VDR: variants seen among roughly 807,000 people sequenced by gnomAD.
The protein encoded by VDR is vitamin D3 receptor.
In VDR, 19 loss-of-function variants were observed where a neutral mutation model predicts 39.7. That is an observed-to-expected ratio of 0.48 (90% CI 0.33 to 0.70). The LOEUF (loss-of-function observed/expected upper bound fraction) is 0.70. Ranked by LOEUF, VDR falls within the 30% of genes least tolerant of loss-of-function variation. The pLI is 0.02. For missense variants in VDR, 442 were observed against 570.5 expected (o/e 0.77, Z 2.29); for synonymous variants, 242 against 215.8 (o/e 1.12, Z -1.07).
chr12:47,873,308 C>T (rs1044612592), intron 3 of VDR, among the ~76,000 whole-genome samples: 1 of 151,440 alleles, frequency 6.6e-6, no homozygotes, highest in Non-Finnish European at 1.5e-5. Flanking sequence ...GTTTCTGAGG[C>T]CTCCCCATCC....
chr12:47,889,614 A>T (rs1946325246), intron 1 of VDR, among the ~76,000 whole-genome samples: 1 of 152,176 alleles, frequency 6.6e-6, no homozygotes, highest in Non-Finnish European at 1.5e-5. Context: ...GGACACTAGC[A>T]TGGGGGTACT....
At chr12:47,847,132 G>A (rs747662641) in intron 7 of VDR, among the ~76,000 whole-genome samples, 9 of 152,100 alleles carry the variant, frequency 5.9e-5, no homozygotes, top group Non-Finnish European at 1.2e-4. Flanking sequence ...GAATATGGTG[G>A]TCTGCAAAAG....
chr12:47,868,396 C>A (rs1222690749), intron 3 of VDR, among the ~76,000 whole-genome samples: 1 of 152,204 alleles, frequency 6.6e-6, no homozygotes, highest in Non-Finnish European at 1.5e-5. Context: ...CAAGTCTAGC[C>A]CGCCTCAGGC....
rs947009816 is a variant in VDR, at chr12:47,883,806, C to T, written c.-83-1032G>A. Among the ~76,000 whole-genome samples, 50 of 152,232 alleles carry T rather than the reference C, an allele frequency of 3.3e-4. 1 individual carries two copies. Among genetic ancestry groups the T allele is most frequent in the Admixed American group, 2.7e-3 (42 of 15,286 alleles). ...CAGGGAAGGGGGAGAGCTCAAGGGG[C>T]TTCCAAGACCTGGGCCCGGTCCTAG... is the stretch of plus-strand genomic sequence containing the variant. On this transcript the variant is annotated intron_variant, in intron 1 of 9. Transcript: ENST00000549336.
chr12:47,901,758 G>A (rs1013485590), intron 1 of VDR, among the ~76,000 whole-genome samples: 29 of 152,204 alleles, frequency 1.9e-4, no homozygotes, highest in African/African-American at 7.0e-4. Flanking sequence ...GCCCAGTCTT[G>A]GCTCCACTAT....
intron 1 of VDR, among the ~76,000 whole-genome samples, chr12:47,899,447 A>G (rs1171502267): frequency 3.9e-5 from 6 of 152,206 alleles, no homozygotes; most frequent in East Asian, 3.8e-4. Context: ...GTTTACAGGT[A>G]AGGACACTGA....
Position 47,843,126 on chromosome 12 carries a change from A to T in VDR, c.*1620T>A, listed in dbSNP as rs1029489033. The T allele has an allele frequency of 6.6e-6, 1 of 152,218 alleles. No homozygotes were observed. Among genetic ancestry groups the T allele is most frequent in the Non-Finnish European group, 1.5e-5 (1 of 68,042 alleles). 9.4% of individuals were successfully genotyped at this position (152,218 alleles called of 1,614,324 possible). A position where few individuals can be genotyped will look rare whatever the true frequency, so the allele number is the denominator to read the frequency against. ...TCTAATAAATTTAAGATTAAGCGAT[A>T]TATATGCTATTCTGCAGTAAGGAAC... On this transcript the variant is annotated 3_prime_UTR_variant, in exon 10 of 10. Transcript: ENST00000549336.
At chr12:47,877,367 A>C (rs758102512) in intron 3 of VDR, among the ~76,000 whole-genome samples, 2 of 152,216 alleles carry the variant, frequency 1.3e-5, no homozygotes, top group African/African-American at 4.8e-5. Context: ...TTTTTTCATC[A>C]GACTGAAAAA....
intron 1 of VDR, among the ~76,000 whole-genome samples, chr12:47,889,605 G>A (rs1260616698): frequency 1.3e-5 from 2 of 152,194 alleles, no homozygotes; most frequent in Non-Finnish European, 2.9e-5. Context: ...GTCTTCCTGG[G>A]ACACTAGCAT....
chr12:47,855,764 C>G lies in VDR; in HGVS notation c.621G>C (p.Leu207=). The G allele has an allele frequency of 1.2e-6, 2 of 1,614,176 alleles. No homozygotes were observed. The highest frequency in any genetic ancestry group is 2.2e-5 in the South Asian group (2 of 91,078). Residue 207 remains leucine, a synonymous_variant, in exon 7 of 10, where the codon CTG becomes CTC. Coordinates refer to ENST00000549336, the MANE Select transcript of VDR (RefSeq NM_000376.3). ...MDSSSFSNLD[L]SEEDSDDPSV... ...AAGGGTCATCTGAATCTTCTTCACT[C>G]AGATCCAGATTGGAGAAGCTGGACG...
chr12:47,850,732 C>T (rs192372645), intron 7 of VDR, among the ~76,000 whole-genome samples: 11 of 152,232 alleles, frequency 7.2e-5, no homozygotes, highest in Admixed American at 2.0e-4. Context: ...GCTCCGTTCC[C>T]CCTCCCTCAC....
intron 7 of VDR, among the ~76,000 whole-genome samples, chr12:47,854,406 G>C (rs1945443458): frequency 6.6e-6 from 1 of 152,116 alleles, no homozygotes; most frequent in Admixed American, 6.6e-5. Context: ...GGATAGGCAT[G>C]TGCCACTGTG....
Position 47,851,719 on chromosome 12 carries a change from G to A in VDR, c.755+3911C>T, listed in dbSNP as rs556385602. On this transcript the variant is annotated intron_variant, in intron 7 of 9. Coordinates refer to ENST00000549336, the MANE Select transcript of VDR (RefSeq NM_000376.3). Reference sequence around the variant, plus strand: ...CATCACCTCTGTCCAGTCACAGAGAGCGTCCATACCAGTGTCCCTGCAAGC... The same window carrying A: ...CATCACCTCTGTCCAGTCACAGAGAACGTCCATACCAGTGTCCCTGCAAGC... 3.3e-5 allele frequency among the ~76,000 whole-genome samples: 5 copies of A among 152,360 alleles called. No individual in the cohort carries two copies. The East Asian group carries it at 9.6e-4, about 29-fold the overall frequency.
At chr12:47,895,697 A>G (rs2137242935) in intron 1 of VDR, among the ~76,000 whole-genome samples, 1 of 152,310 alleles carries the variant, frequency 6.6e-6, no homozygotes, top group African/African-American at 2.4e-5. Context: ...CCCCAACACC[A>G]ACAGTGATTA....
intron 4 of VDR, 46 bp from the exon 5 acceptor site, chr12:47,857,734 C>T (rs1409343475): frequency 1.2e-6 from 2 of 1,600,948 alleles, no homozygotes; most frequent in African/African-American, 2.7e-5. Flanking sequence ...AGCAGCTCCT[C>T]CAGGAAACCT....
At chr12:47,890,738 A>G (rs1946354721) in intron 1 of VDR, among the ~76,000 whole-genome samples, 1 of 152,222 alleles carries the variant, frequency 6.6e-6, no homozygotes, top group African/African-American at 2.4e-5. Flanking sequence ...CGTGTGCCCT[A>G]GAAGTGCTAT....
intron 7 of VDR, among the ~76,000 whole-genome samples, chr12:47,852,036 G>A (rs1285550967): frequency 6.6e-6 from 1 of 152,214 alleles, no homozygotes; most frequent in Non-Finnish European, 1.5e-5. Context: ...GTACATGTGG[G>A]AGGGCAATGG....
At chr12:47,864,677 G>A (rs559169289) in intron 4 of VDR, among the ~76,000 whole-genome samples, 12 of 152,270 alleles carry the variant, frequency 7.9e-5, no homozygotes, top group African/African-American at 2.2e-4. Flanking sequence ...CTCTAGGTCC[G>A]AGTAACAGGG....
At chr12:47,902,231 A>G (rs570331877) in intron 1 of VDR, among the ~76,000 whole-genome samples, 131 of 152,314 alleles carry the variant, frequency 8.6e-4, no homozygotes, top group African/African-American at 3.0e-3. Flanking sequence ...TGCAAGATAC[A>G]TTACACAGGC....
Sources: allele counts gnomAD v4.1 joint callset (sites outside exome capture counted in the v4.1 genomes callset), GRCh38; gene constraint gnomAD v4.1.1; transcripts MANE v1.5; gene names NCBI Gene and HGNC (gene_info 2026-07-23, HGNC 2026-07-21).